The following BCAT1 variants were observed in gnomAD, a reference collection of about 807,000 sequenced individuals.
The protein encoded by BCAT1 is branched chain amino acid transaminase 1.
In BCAT1, 48 loss-of-function variants were observed where a neutral mutation model predicts 52.4. That is an observed-to-expected ratio of 0.92 (90% confidence interval 0.73 to 1.16). The LOEUF (loss-of-function observed/expected upper bound fraction) is 1.16. BCAT1 is among the 50% of genes most tolerant of loss of function. The pLI is 0.00. For missense variants in BCAT1, 451 were observed against 457.1 expected, an observed-to-expected ratio of 0.99 and a Z score of 0.12; for synonymous variants, 167 against 161.3, an observed-to-expected ratio of 1.04 and a Z score of -0.27.
In BCAT1 at chr12:24,879,449, T is replaced by C. The variant is rs369316943; in HGVS notation, c.391-800A>G. On this transcript the variant is annotated intron_variant, in intron 4 of 10. Coordinates refer to ENST00000261192, the MANE Select transcript of BCAT1 (RefSeq NM_005504.7). Reference sequence around the variant, plus strand: ...ATTTAGTCTCTGCTCACTTGCAAAGTAGAGAAACATACTTTCAGAGATGTG... The same window carrying C: ...ATTTAGTCTCTGCTCACTTGCAAAGCAGAGAAACATACTTTCAGAGATGTG... 5.6e-4 allele frequency among the ~76,000 whole-genome samples: 85 copies of C among 152,294 alleles called. No homozygotes were observed. The South Asian group carries it at 9.3e-3, about 17-fold the overall frequency.
At chr12:24,831,918 AGAG>A (rs34501736) in intron 9 of BCAT1, among the ~76,000 whole-genome samples, 21,369 of 152,160 alleles carry the variant, frequency 0.14, 1,883 homozygotes, top group Middle Eastern at 0.23. Flanking sequence ...TAATTTACTA[AGAG>A]GAGAACATTT....
chr12:24,887,080 A>AAATATATATAT (rs1245203518), intron 3 of BCAT1, among the ~76,000 whole-genome samples: 2 of 40,748 alleles, frequency 4.9e-5, no homozygotes, highest in African/African-American at 7.7e-5. Flanking sequence ...AAAAAAAAAA[A>AAATATATATAT]ATATATATAT....
At chr12:24,844,756 G>C (rs960417027) in intron 6 of BCAT1, among the ~76,000 whole-genome samples, 1 of 151,448 alleles carries the variant, frequency 6.6e-6, no homozygotes, top group South Asian at 2.1e-4. Context: ...AATTATCCGG[G>C]CGTGGTGGCT....
chr12:24,831,908 TA>T (rs1475169919), intron 9 of BCAT1, among the ~76,000 whole-genome samples: 1 of 148,364 alleles, frequency 6.7e-6, no homozygotes, highest in Non-Finnish European at 1.5e-5. Flanking sequence ...AAAATCAGAC[TA>T]ATTTACTAAG....
At chr12:24,877,059 A>G (rs1942369262) in intron 5 of BCAT1, among the ~76,000 whole-genome samples, 1 of 152,198 alleles carries the variant, frequency 6.6e-6, no homozygotes, top group Non-Finnish European at 1.5e-5. Context: ...AGAGACTGCA[A>G]TTCACGAAAT....
At chr12:24,901,786 G>T in intron 2 of BCAT1, 28 bp downstream of exon 2, 1 of 1,605,090 alleles carries the variant, frequency 6.2e-7, no homozygotes, top group Non-Finnish European at 8.5e-7. Flanking sequence ...CGTTGCTTTA[G>T]ACACTAAGCC....
chr12:24,949,274 C>T (rs1370901777), upstream of BCAT1: 2 of 391,624 alleles, frequency 5.1e-6, no homozygotes, highest in Non-Finnish European at 4.6e-6. Flanking sequence ...GGGTGCAGGG[C>T]AGAGGTGCCA....
intron 6 of BCAT1, among the ~76,000 whole-genome samples, chr12:24,846,968 G>A (rs923040096): frequency 6.6e-5 from 10 of 152,186 alleles, no homozygotes; most frequent in Non-Finnish European, 1.2e-4. Context: ...CTCACAGATA[G>A]TTAAGTGTGT....
At chr12:24,845,644 A>T (rs909894578) in intron 6 of BCAT1, among the ~76,000 whole-genome samples, 1 of 152,258 alleles carries the variant, frequency 6.6e-6, no homozygotes, top group African/African-American at 2.4e-5. Flanking sequence ...TCTGGCAGAT[A>T]AAAATATCTG....
At chr12:24,855,078 G>A (rs940876089) in intron 5 of BCAT1, among the ~76,000 whole-genome samples, 8 of 151,954 alleles carry the variant, frequency 5.3e-5, no homozygotes, top group Non-Finnish European at 2.9e-5. Flanking sequence ...TGAGCAACTC[G>A]ATAAGCAAAA....
intron 1 of BCAT1, among the ~76,000 whole-genome samples, chr12:24,933,525 C>T (rs887858250): frequency 2.6e-5 from 4 of 151,970 alleles, no homozygotes; most frequent in Non-Finnish European, 5.9e-5. Context: ...TGGTTTGGCT[C>T]TGTGTCCCTA....
chr12:24,949,018 C>CCTCTTTTTCTTTTTTTT lies in BCAT1; in HGVS notation c.-87_-86insAAAAAAAAGAAAAAGAG. 2.8e-6 allele frequency: 4 copies of CCTCTTTTTCTTTTTTTT among 1,450,430 alleles called. No homozygotes were observed. The highest frequency in any genetic ancestry group is 3.8e-6 in the Non-Finnish European group (4 of 1,058,620). 89.8% of individuals were successfully genotyped at this position (1,450,430 alleles called of 1,614,324 possible). ...CCCCTGGCCGTGTGGACCGGGTCTG[C>CCTCTTTTTCTTTTTTTT]GGCTGCAGAGCGCGGTCCCGGCTGC... On this transcript the variant is annotated 5_prime_UTR_variant, in exon 1 of 11. Transcript: ENST00000261192.
chr12:24,911,914 A>G (rs1342824704), intron 1 of BCAT1, among the ~76,000 whole-genome samples: 1 of 152,260 alleles, frequency 6.6e-6, no homozygotes, highest in Non-Finnish European at 1.5e-5. Flanking sequence ...CGTTTTACAG[A>G]AACAGAATCA....
Position 24,881,524 on chromosome 12 carries a change from A to G in BCAT1, c.280-113T>C, listed in dbSNP as rs975995262. 5 of 646,690 alleles carry G rather than the reference A, an allele frequency of 7.7e-6. No individual in the cohort carries two copies. The African/African-American group carries it at 9.1e-5, about 12-fold the overall frequency. The allele number at this position is 646,690 out of a possible 1,614,324, so 40.1% of individuals were successfully genotyped here. On this transcript the variant is annotated intron_variant, in intron 3 of 10. Coordinates refer to ENST00000261192, the MANE Select transcript of BCAT1 (RefSeq NM_005504.7). ...TTATTCATCCCATAAAGCTGTTGACATTGACCTCAACTTGAGATCATTAAA... is the reference window on the plus strand; with the variant it reads ...TTATTCATCCCATAAAGCTGTTGACGTTGACCTCAACTTGAGATCATTAAA...
rs568693056 is a variant in BCAT1 at position 24,817,870 on chromosome 12, C to T, written c.*138G>A. On this transcript the variant is annotated 3_prime_UTR_variant, in exon 11 of 11. Coordinates refer to ENST00000261192, the MANE Select transcript of BCAT1 (RefSeq NM_005504.7). ...TTTCTCTGGCATGAAGAAACAATCA[C>T]TCTTGTAACACATTGATACTACAAA... 3 of 862,428 alleles carry T rather than the reference C, an allele frequency of 3.5e-6. No individual in the cohort carries two copies. The South Asian group carries it at 5.0e-5, about 14-fold the overall frequency. The allele number at this position is 862,428 out of a possible 1,614,324, so 53.4% of individuals were successfully genotyped here. A position where few individuals can be genotyped will look rare whatever the true frequency, so the allele number is the denominator to read the frequency against.
intron 5 of BCAT1, among the ~76,000 whole-genome samples, chr12:24,868,312 C>T (rs1265559163): frequency 1.3e-5 from 2 of 152,022 alleles, no homozygotes; most frequent in Non-Finnish European, 2.9e-5. Flanking sequence ...CCAATGGATA[C>T]CCCACATCTA....
intron 3 of BCAT1, among the ~76,000 whole-genome samples, chr12:24,892,205 T>C (rs1942865375): frequency 6.6e-6 from 1 of 152,032 alleles, no homozygotes; most frequent in African/African-American, 2.4e-5. Flanking sequence ...TCTGACATTA[T>C]CTACGTGGAA....
chr12:24,930,465 G>A (rs1474533299), intron 1 of BCAT1, among the ~76,000 whole-genome samples: 1 of 152,160 alleles, frequency 6.6e-6, no homozygotes, highest in African/African-American at 2.4e-5. Flanking sequence ...TCTAACCACA[G>A]GCAGCACCAG....
At chr12:24,897,576 T>C (rs1348840269) in intron 2 of BCAT1, among the ~76,000 whole-genome samples, 1 of 152,178 alleles carries the variant, frequency 6.6e-6, no homozygotes, top group Non-Finnish European at 1.5e-5. Context: ...TTCTTTTAGA[T>C]GGAGTCTCAC....
Sources: allele counts gnomAD v4.1 joint callset (sites outside exome capture counted in the v4.1 genomes callset), GRCh38; gene constraint gnomAD v4.1.1; transcripts MANE v1.5; gene names NCBI Gene and HGNC (gene_info 2026-07-23, HGNC 2026-07-21).